Variants in NPC1 observed in about 807,000 individuals in gnomAD.
NPC1 encodes the protein NPC intracellular cholesterol transporter 1, also known as Niemann-Pick C1 protein.
In NPC1, 85 loss-of-function variants were observed where a neutral mutation model predicts 140.4. That is an observed-to-expected ratio of 0.61 (90% CI 0.51 to 0.72). The LOEUF (loss-of-function observed/expected upper bound fraction) is 0.72, where lower values mean the gene tolerates loss of function less well. Among genes scored for constraint, NPC1 ranks in the 30% least tolerant of loss-of-function variants. The pLI is 0.00. For synonymous variants in NPC1, 656 were observed against 624.8 expected, an observed-to-expected ratio of 1.05 and a Z score of -0.74; for missense variants, 1,504 against 1,623.8, an observed-to-expected ratio of 0.93 and a Z score of 1.27.
chr18:23,536,871 T>C lies in NPC1; in HGVS notation c.3047A>G (p.His1016Arg), dbSNP rs140211089. ...GTTAACTGCAGAACTATAGGCAGCA[T>C]GTCCCCTGAGGAAAGAATCCTGGGT... is the stretch of plus-strand genomic sequence containing the variant. ...NPNPKCGKGGHAAYSSAVNIL... is the reference protein window; with the variant it reads ...NPNPKCGKGGRAAYSSAVNIL... The change falls in exon 21 of 25, where the codon CAT (histidine) becomes CGT (arginine). Residue 1016 changes from histidine (H) to arginine (R), a missense_variant. By Grantham distance (29) the His-to-Arg change is conservative (BLOSUM62 0). Coordinates refer to ENST00000269228, the MANE Select transcript of NPC1 (RefSeq NM_000271.5). 1.2e-6 allele frequency: 2 copies of C among 1,613,660 alleles called. No homozygotes were observed. The highest frequency in any genetic ancestry group is 2.7e-5 in the African/African-American group (2 of 74,924).
chr18:23,525,258 AT>A (rs958586598), downstream of NPC1, among the ~76,000 whole-genome samples: 2 of 149,460 alleles, frequency 1.3e-5, no homozygotes, highest in Non-Finnish European at 3.0e-5. Flanking sequence ...AAGAAATCTT[AT>A]TTTTTTAAGG....
rs768728943 is a variant in NPC1, at chr18:23,568,898, C to T, written c.388G>A (p.Val130Ile). The T allele has an allele frequency of 1.4e-5, 22 of 1,613,826 alleles. No homozygotes were observed. The highest frequency in any genetic ancestry group is 3.3e-4 in the Middle Eastern group (2 of 6,080). Residue 130 changes from valine (V) to isoleucine (I), a missense_variant, in exon 4 of 25, where the codon GTT becomes ATT. Transcript: ENST00000269228. ...FLNVTATEDY[V>I]DPVTNQTKTN... ...TTCGTCTGGTTTGTAACAGGATCAA[C>T]ATAATCTTCAGTAGCTGTAACATTC...
chr18:23,536,532 G>T, intron 21 of NPC1, 141 bp downstream of exon 21: 1 of 700,994 alleles, frequency 1.4e-6, no homozygotes, highest in African/African-American at 1.8e-5. Context: ...CATTTCCTTT[G>T]ATATACTGCC....
At position 23,533,891 on chromosome 18, in the gene NPC1, G is replaced by A. The variant is rs142814735; in HGVS notation, c.3592-374C>T. Reference sequence around the variant, plus strand: ...CATCTACTACCTAACACTATTTGCTGCCTTATGATCCTGGGGGAGAGGTAT... The same window carrying A: ...CATCTACTACCTAACACTATTTGCTACCTTATGATCCTGGGGGAGAGGTAT... On this transcript the variant is annotated intron_variant, in intron 23 of 24. Transcript: ENST00000269228. The A allele has an allele frequency of 3.4e-3, 1,161 of 343,838 alleles. 17 individuals carry two copies. Among genetic ancestry groups the A allele is most frequent in the African/African-American group, 0.023 (1,099 of 47,308 alleles). 21.3% of individuals were successfully genotyped at this position (343,838 alleles called of 1,614,324 possible).
chr18:23,534,056 G>A, intron 23 of NPC1: 1 of 356,144 alleles, frequency 2.8e-6, no homozygotes, highest in South Asian at 2.9e-5. Context: ...TCTTTACCAG[G>A]TATTTTCTAC....
At chr18:23,533,743 T>C (rs1307804165) in intron 23 of NPC1, 1 of 524,646 alleles carries the variant, frequency 1.9e-6, no homozygotes, top group African/African-American at 1.9e-5. Flanking sequence ...TGGCCGCAAG[T>C]GGTCCGCCAG....
intron 6 of NPC1, 134 bp downstream of exon 6, chr18:23,560,097 A>C (rs2059016247): frequency 9.4e-7 from 1 of 1,068,202 alleles, no homozygotes; most frequent in Non-Finnish European, 1.4e-6. Flanking sequence ...TGTAGGACAC[A>C]ATAATCCATG....
rs1461201080 is a variant in NPC1, at chr18:23,586,485, G to C, written c.-142C>G. ...GAGCAGGCGCTGACCGCGGCAGCAG[G>C]CTGCGCGCGCCGGTCAGGAAGGAAG... On this transcript the variant is annotated 5_prime_UTR_variant, in exon 1 of 25. Transcript: ENST00000269228. 7.7e-6 allele frequency: 11 copies of C among 1,426,456 alleles called. No homozygotes were observed. The highest frequency in any genetic ancestry group is 1.0e-5 in the Non-Finnish European group (11 of 1,098,346). The allele number at this position is 1,426,456 out of a possible 1,614,324, so 88.4% of individuals were successfully genotyped here. A position where few individuals can be genotyped will look rare whatever the true frequency, so the allele number is the denominator to read the frequency against.
intron 9 of NPC1, 143 bp from the exon 10 acceptor site, chr18:23,551,870 C>G: frequency 1.4e-6 from 1 of 719,610 alleles, no homozygotes; most frequent in Non-Finnish European, 2.5e-6. Flanking sequence ...TTGAGTAATA[C>G]AGCTCAGCAC....
chr18:23,534,402 T>C, intron 23 of NPC1, 44 bp downstream of exon 23: 3 of 1,286,956 alleles, frequency 2.3e-6, no homozygotes, highest in East Asian at 2.3e-5. Flanking sequence ...GAGGATTACT[T>C]TGTGGTGCGA....
rs537484682 is a variant in NPC1, at chr18:23,556,620, G to T, written c.956-7C>A. 3 of 1,613,790 alleles carry T rather than the reference G, an allele frequency of 1.9e-6. No homozygotes were observed. The African/African-American group carries it at 4.0e-5, about 22-fold the overall frequency. ...TCACAGCAGGACGCCTCTCCTGGAAGAACGGGAGAGGAAGGGAAGGTGGAG... is the reference window on the plus strand; with the variant it reads ...TCACAGCAGGACGCCTCTCCTGGAATAACGGGAGAGGAAGGGAAGGTGGAG... On this transcript the variant is annotated splice_polypyrimidine_tract_variant and splice_region_variant and intron_variant, in intron 7 of 24. Coordinates refer to ENST00000269228, the MANE Select transcript of NPC1 (RefSeq NM_000271.5).
intron 9 of NPC1, 129 bp downstream of exon 9, chr18:23,554,629 T>TA: frequency 1.4e-6 from 1 of 694,238 alleles, no homozygotes; most frequent in Non-Finnish European, 2.5e-6. Context: ...AAAGATGATG[T>TA]AAACTTCACA....
At chr18:23,578,970 A>G (rs1324173095) in intron 1 of NPC1, among the ~76,000 whole-genome samples, 1 of 152,206 alleles carries the variant, frequency 6.6e-6, no homozygotes, top group Non-Finnish European at 1.5e-5. Flanking sequence ...CTCTTCCGGA[A>G]CAATGCTCAA....
At chr18:23,509,373 T>TCAG in intron 3 of NPC1, 2 of 375,164 alleles carry the variant, frequency 5.3e-6, no homozygotes, top group Non-Finnish European at 8.9e-6. Flanking sequence ...ATATATATAT[T>TCAG]TTAAACATTT....
At chr18:23,550,441 A>T (rs972647276) in intron 10 of NPC1, among the ~76,000 whole-genome samples, 2 of 148,922 alleles carry the variant, frequency 1.3e-5, no homozygotes, top group African/African-American at 5.0e-5. Flanking sequence ...AATTATTTTT[A>T]AAAATGCCTC....
rs765881491 is a variant in NPC1, at chr18:23,512,254, CAAAT to C, written c.432-5616_432-5613del. ...CAGGCTGGTCTTGAACCCCTGGCCT[CAAAT>C]AATCCACCTATCTCGGCCCCCTAAA... is the stretch of plus-strand genomic sequence containing the variant. On this transcript the variant is annotated intron_variant, in intron 3 of 3. Transcript: ENST00000591107. Among the ~76,000 whole-genome samples the C allele has an allele frequency of 2.2e-3, 338 of 152,136 alleles. 6 individuals are homozygous for C. The highest frequency in any genetic ancestry group is 7.4e-4 in the Non-Finnish European group (50 of 68,006).
At chr18:23,521,465 T>C (rs555357222), downstream of NPC1, among the ~76,000 whole-genome samples, 1 of 152,342 alleles carries the variant, frequency 6.6e-6, no homozygotes, top group South Asian at 2.1e-4. Context: ...TGATGATGAA[T>C]ATTGCATTCT....
In NPC1 at chr18:23,556,312, A is replaced by G; in HGVS notation, c.1257T>C (p.Ile419=). 1 of 1,614,118 alleles carries G rather than the reference A, an allele frequency of 6.2e-7. No individual in the cohort carries two copies. Among genetic ancestry groups the G allele is most frequent in the Non-Finnish European group, 8.5e-7 (1 of 1,180,010 alleles). ...CAGCTCCCGAAGGGTATGGCTGGTA[A>G]ATGTGTTTGTCAGTGAGAGGGGCCC... is the stretch of plus-strand genomic sequence containing the variant. ...IIRAPLTDKH[I]YQPYPSGADV... The change falls in exon 8 of 25, where the codon ATT becomes ATC. Residue 419 remains isoleucine, a synonymous_variant. Transcript: ENST00000269228.
At position 23,534,468 on chromosome 18, in the gene NPC1, G is replaced by A. The variant is rs755225682; in HGVS notation, c.3569C>T (p.Ala1190Val). Residue 1190 changes from alanine (A) to valine (V), a missense_variant, in exon 23 of 25, where the codon GCA becomes GTA. Transcript: ENST00000269228. The part of the protein sequence containing the change: ...KGSRVERAEE[A>V]LAHMGSSVFS... ...CACGGAGCTGCCCATGTGGGCAAGT[G>A]CCTCTTCCGCGCGCTCCACGCGGCT... 6.2e-7 allele frequency: 1 copy of A among 1,613,544 alleles called. No individual in the cohort carries two copies.
Sources: allele counts gnomAD v4.1 joint callset (sites outside exome capture counted in the v4.1 genomes callset), GRCh38; gene constraint gnomAD v4.1.1; transcripts MANE v1.5; gene names NCBI Gene and HGNC (gene_info 2026-07-23, HGNC 2026-07-21).